Variants in CPED1 observed in about 807,000 individuals in gnomAD.
CPED1 encodes the protein cadherin like and PC-esterase domain containing 1, also known as cadherin-like and PC-esterase domain-containing protein 1.
CPED1 carries 114 observed loss-of-function variants against 128.2 expected under a neutral mutation model. The observed-to-expected ratio is 0.89, with a 90% CI of 0.76 to 1.04. The LOEUF is 1.04. CPED1 is among the 50% of genes least tolerant of loss of function. The pLI is 0.00. For missense variants in CPED1, 1,211 were observed against 1,207.1 expected (o/e 1.00, Z -0.05); for synonymous variants, 462 against 426.7 (o/e 1.08, Z -1.02).
chr7:121,265,672 T>A (rs962790611), intron 18 of CPED1, among the ~76,000 whole-genome samples: 1 of 152,026 alleles, frequency 6.6e-6, no homozygotes, highest in Admixed American at 6.6e-5. Context: ...CTGCTGGGAA[T>A]GAGCAGGAGG....
intron 2 of CPED1, among the ~76,000 whole-genome samples, chr7:121,002,188 G>A (rs998690113): frequency 6.6e-6 from 1 of 152,148 alleles, no homozygotes; most frequent in African/African-American, 2.4e-5. Flanking sequence ...GCAATAGGAA[G>A]TATAATAGCA....
At position 121,134,154 on chromosome 7, in the gene CPED1, C is replaced by T. The variant is rs376210668; in HGVS notation, c.1648+261C>T. On this transcript the variant is annotated intron_variant, in intron 13 of 22. Transcript: ENST00000310396. ...CTCTGATGTTAACTACAGCACTACA[C>T]GCAATAGCCAAGATATAGAATCAAA... Among the ~76,000 whole-genome samples, 14 of 152,068 alleles carry T rather than the reference C, an allele frequency of 9.2e-5. 1 individual carries two copies. In the South Asian group the frequency reaches 1.9e-3, roughly 20 times the overall value.
intron 7 of CPED1, among the ~76,000 whole-genome samples, chr7:121,105,114 A>T (rs953593576): frequency 1.3e-5 from 2 of 152,082 alleles, no homozygotes; most frequent in Non-Finnish European, 2.9e-5. Flanking sequence ...TCTCACATCA[A>T]TACAATCAGC....
At chr7:121,092,940 C>T (rs1017889695) in intron 5 of CPED1, among the ~76,000 whole-genome samples, 1 of 152,172 alleles carries the variant, frequency 6.6e-6, no homozygotes, top group Non-Finnish European at 1.5e-5. Context: ...TTGCAAAGGA[C>T]CTTAGACACC....
intron 7 of CPED1, among the ~76,000 whole-genome samples, chr7:121,102,089 A>G (rs2116231305): frequency 6.6e-6 from 1 of 152,106 alleles, no homozygotes; most frequent in African/African-American, 2.4e-5. Flanking sequence ...AAAACTATGT[A>G]TATTTTTATT....
chr7:121,186,118 TC>T (rs1240420115), intron 16 of CPED1, among the ~76,000 whole-genome samples: 1 of 152,178 alleles, frequency 6.6e-6, no homozygotes, highest in Non-Finnish European at 1.5e-5. Context: ...AATTTGCTTC[TC>T]TTCCCAAAAC....
Position 121,266,356 on chromosome 7 carries a change from AC to A in CPED1, c.2441del (p.Thr814IlefsTer2). On this transcript the variant is annotated frameshift_variant, in exon 19 of 23. Transcript: ENST00000310396. LOFTEE classifies it high-confidence loss of function. ...KFYHNVNGGK[T>X]LISYSYYPQF... The stretch of plus-strand genomic sequence containing the variant: ...CTATCACAACGTCAATGGTGGGAAG[AC>A]TTTGATCAGTTATTCCTACTATCCC... 6.2e-7 allele frequency: 1 copy of A among 1,613,236 alleles called. No homozygotes were observed. The highest frequency in any genetic ancestry group is 1.3e-5 in the African/African-American group (1 of 74,982).
intron 22 of CPED1, among the ~76,000 whole-genome samples, chr7:121,290,079 A>C (rs1013347687): frequency 2.0e-5 from 3 of 152,050 alleles, no homozygotes; most frequent in Non-Finnish European, 4.4e-5. Flanking sequence ...TTCCTGTGTT[A>C]GTTTGCTGAG....
intron 12 of CPED1, 140 bp downstream of exon 12, chr7:121,130,434 G>T: frequency 3.2e-6 from 2 of 623,830 alleles, no homozygotes; most frequent in Non-Finnish European, 2.7e-6. Context: ...GAAAATAAAT[G>T]TCTTTAAACA....
intron 6 of CPED1, among the ~76,000 whole-genome samples, chr7:121,098,881 A>G (rs1416855501): frequency 1.3e-5 from 2 of 148,342 alleles, no homozygotes; most frequent in Non-Finnish European, 3.0e-5. Context: ...GATCAAACTT[A>G]GATATTTAAC....
chr7:121,136,027 T>TA lies in CPED1; in HGVS notation c.1649-13_1649-12insA. The TA allele has an allele frequency of 1.8e-6, 1 of 560,602 alleles. No homozygotes were observed. Among genetic ancestry groups the TA allele is most frequent in the Non-Finnish European group, 2.5e-6 (1 of 398,096 alleles). The allele number at this position is 560,602 out of a possible 1,614,324, so 34.7% of individuals were successfully genotyped here. A position where few individuals can be genotyped will look rare whatever the true frequency, so the allele number is the denominator to read the frequency against. On this transcript the variant is annotated splice_polypyrimidine_tract_variant and intron_variant, in intron 13 of 22. Transcript: ENST00000310396. ...GGTTTTTATTTTAAATTTACATTTC[T>TA]TTTTTTTTTTAGCTGCAGTTCCACA...
chr7:121,045,575 G>A (rs575156112), intron 3 of CPED1, among the ~76,000 whole-genome samples: 1 of 152,208 alleles, frequency 6.6e-6, no homozygotes, highest in Non-Finnish European at 1.5e-5. Context: ...AAATTCTTTT[G>A]AAAAATTTGA....
chr7:121,187,838 A>C (rs757817694), intron 16 of CPED1, among the ~76,000 whole-genome samples: 2 of 152,160 alleles, frequency 1.3e-5, no homozygotes, highest in Non-Finnish European at 2.9e-5. Context: ...CAATGTGGCC[A>C]TAAAGTTGGA....
chr7:121,132,099 C>G (rs1202478612), intron 12 of CPED1, among the ~76,000 whole-genome samples: 1 of 151,672 alleles, frequency 6.6e-6, no homozygotes, highest in Non-Finnish European at 1.5e-5. Flanking sequence ...AAAAAATGCC[C>G]AAATCTAATT....
intron 18 of CPED1, among the ~76,000 whole-genome samples, chr7:121,264,294 T>C (rs145211667): frequency 3.5e-4 from 53 of 152,204 alleles, no homozygotes; most frequent in Non-Finnish European, 7.4e-4. Flanking sequence ...ACTGCTGATA[T>C]CTAAAATTAA....
At chr7:121,182,451 CCTT>C (rs1338740402) in intron 16 of CPED1, among the ~76,000 whole-genome samples, 5 of 151,934 alleles carry the variant, frequency 3.3e-5, no homozygotes, top group African/African-American at 1.2e-4. Context: ...TCCCTTCCTT[CCTT>C]CTTTTCTTCC....
At chr7:121,249,253 G>A (rs1798612195) in intron 18 of CPED1, among the ~76,000 whole-genome samples, 1 of 152,140 alleles carries the variant, frequency 6.6e-6, no homozygotes, top group Non-Finnish European at 1.5e-5. Context: ...AAATACATTT[G>A]ATGATATAGT....
intron 14 of CPED1, among the ~76,000 whole-genome samples, chr7:121,139,081 T>G (rs1359996462): frequency 2.0e-5 from 3 of 152,068 alleles, no homozygotes; most frequent in African/African-American, 7.2e-5. Flanking sequence ...TTTTTCTTTT[T>G]TATTATAAGA....
At chr7:121,004,413 G>A (rs566687240) in intron 2 of CPED1, among the ~76,000 whole-genome samples, 26 of 152,264 alleles carry the variant, frequency 1.7e-4, no homozygotes, top group African/African-American at 6.0e-4. Flanking sequence ...CCTTACATCC[G>A]GCAGGTGTTC....
Sources: gnomAD v4.1 joint callset for allele counts (sites outside exome capture counted in the v4.1 genomes callset) on GRCh38, gnomAD v4.1.1 for gene constraint, MANE v1.5 for transcripts, NCBI Gene and HGNC (gene_info 2026-07-23, HGNC 2026-07-21) for gene names.